Variants in RNLS observed in about 807,000 individuals in gnomAD.
RNLS encodes renalase.
Under a neutral mutation model 39.8 loss-of-function variants are expected in RNLS, and 39 were observed. That is an observed-to-expected ratio of 0.98 (90% confidence interval 0.76 to 1.28). The LOEUF (loss-of-function observed/expected upper bound fraction) is 1.28. RNLS is among the 50% of genes most tolerant of loss of function. RNLS has a pLI of 0.00. For missense variants in RNLS, 410 were observed against 413.3 expected (o/e 0.99, Z 0.07); for synonymous variants, 147 against 150.7 (o/e 0.98, Z 0.18).
the RNLS span, among the ~76,000 whole-genome samples, chr10:88,256,800 A>G: frequency 1.3e-5 from 2 of 152,140 alleles, no homozygotes; most frequent in African/African-American, 4.8e-5. Context: ...GCTCTTCATG[A>G]TCAGTTATTC....
At chr10:88,246,586 A>C in the RNLS span, among the ~76,000 whole-genome samples, 1 of 151,908 alleles carries the variant, frequency 6.6e-6, no homozygotes, top group South Asian at 2.1e-4. Flanking sequence ...TAATGTAGGT[A>C]ATATAACAGA....
At chr10:88,365,558 T>G (rs964761752) in intron 4 of RNLS, among the ~76,000 whole-genome samples, 2 of 145,954 alleles carry the variant, frequency 1.4e-5, no homozygotes, top group Non-Finnish European at 3.1e-5. Flanking sequence ...CACACACACG[T>G]ACGTATATGT....
intron 6 of RNLS, among the ~76,000 whole-genome samples, chr10:88,286,540 CTTG>C (rs1843286938): frequency 6.6e-6 from 1 of 152,006 alleles, no homozygotes; most frequent in South Asian, 2.1e-4. Context: ...AATATGAAAA[CTTG>C]TTGTAATGGC....
chr10:88,199,309 T>TG, the RNLS span, among the ~76,000 whole-genome samples: 2 of 152,098 alleles, frequency 1.3e-5, no homozygotes, highest in African/African-American at 2.4e-5. Flanking sequence ...GGGTGTGGCC[T>TG]GGGGGGTCCT....
chr10:88,175,350 G>A, the RNLS span, among the ~76,000 whole-genome samples: 1 of 151,904 alleles, frequency 6.6e-6, no homozygotes, highest in Non-Finnish European at 1.5e-5. Context: ...TTGTTTATTT[G>A]AAATCTCTAC....
At chr10:88,454,325 G>A (rs963991310) in intron 4 of RNLS, among the ~76,000 whole-genome samples, 1 of 152,204 alleles carries the variant, frequency 6.6e-6, no homozygotes, top group African/African-American at 2.4e-5. Flanking sequence ...ATGGCATTGT[G>A]GGAGGAAATA....
At chr10:88,211,707 G>T in the RNLS span, among the ~76,000 whole-genome samples, 9 of 152,162 alleles carry the variant, frequency 5.9e-5, no homozygotes, top group Non-Finnish European at 5.9e-5. Context: ...GAGCTGAGAA[G>T]GTGGGGAGTA....
At chr10:88,396,941 C>T (rs1178866980) in intron 4 of RNLS, among the ~76,000 whole-genome samples, 2 of 151,678 alleles carry the variant, frequency 1.3e-5, no homozygotes, top group Non-Finnish European at 1.5e-5. Flanking sequence ...AACAATAATA[C>T]ACAAATGTGC....
At position 88,583,297 on chromosome 10, in the gene RNLS, T is replaced by C; in HGVS notation, c.-107A>G. On this transcript the variant is annotated 5_prime_UTR_variant, in exon 1 of 7. Coordinates refer to ENST00000331772, the MANE Select transcript of RNLS (RefSeq NM_001031709.3). Reference sequence around the variant, plus strand: ...GCGCTAGCGCTCTTTGGTTCCGTGCTCCCTGGGCCGACCTGGGCCCTGAGC... The same window carrying C: ...GCGCTAGCGCTCTTTGGTTCCGTGCCCCCTGGGCCGACCTGGGCCCTGAGC... 1 of 1,509,798 alleles carries C rather than the reference T, an allele frequency of 6.6e-7. No homozygotes were observed. The highest frequency in any genetic ancestry group is 8.8e-7 in the Non-Finnish European group (1 of 1,136,896). 93.5% of individuals were successfully genotyped at this position (1,509,798 alleles called of 1,614,324 possible). A position where few individuals can be genotyped will look rare whatever the true frequency, so the allele number is the denominator to read the frequency against.
the RNLS span, among the ~76,000 whole-genome samples, chr10:88,253,907 T>C: frequency 6.6e-6 from 1 of 152,212 alleles, no homozygotes; most frequent in African/African-American, 2.4e-5. Flanking sequence ...GTTATTAATC[T>C]TTGTAGGAGC....
chr10:88,231,482 G>C, the RNLS span, among the ~76,000 whole-genome samples: 2 of 152,146 alleles, frequency 1.3e-5, no homozygotes, highest in African/African-American at 2.4e-5. Context: ...GGCAGTCCTT[G>C]GAAACGTATA....
rs569105030 is a variant in RNLS, at chr10:88,480,534, G to T, written c.526+92369C>A. Among the ~76,000 whole-genome samples, 42 of 152,308 alleles carry T rather than the reference G, an allele frequency of 2.8e-4. No individual in the cohort carries two copies. In the South Asian group the frequency reaches 7.9e-3, roughly 29 times the overall value. On this transcript the variant is annotated intron_variant, in intron 4 of 6. Transcript: ENST00000331772. ...CCTCCCGGCTTCAAGCGATTCTCCT[G>T]CCTCAGCCTCCCAAGTAGCTGGGAT...
At chr10:88,430,333 A>G (rs1029698220) in intron 4 of RNLS, among the ~76,000 whole-genome samples, 1 of 151,780 alleles carries the variant, frequency 6.6e-6, no homozygotes, top group Non-Finnish European at 1.5e-5. Context: ...TAAATTTTGC[A>G]TATTTCTCTA....
At chr10:88,525,813 G>A (rs1344094687) in intron 4 of RNLS, among the ~76,000 whole-genome samples, 7 of 152,064 alleles carry the variant, frequency 4.6e-5, no homozygotes. Context: ...GTATGTTCTG[G>A]TACATTTCTG....
At chr10:88,567,730 T>C (rs1177922694) in intron 4 of RNLS, among the ~76,000 whole-genome samples, 2 of 152,208 alleles carry the variant, frequency 1.3e-5, no homozygotes, top group African/African-American at 4.8e-5. Context: ...AAATAAGCTA[T>C]ATTATTTCTG....
At chr10:88,203,456 G>GTGTATATATATA in the RNLS span, among the ~76,000 whole-genome samples, 1 of 1,208 alleles carries the variant, frequency 8.3e-4, no homozygotes, top group African/African-American at 4.9e-3. Context: ...GTGTGTGTGT[G>GTGTATATATATA]TATATATATA....
intron 6 of RNLS, among the ~76,000 whole-genome samples, chr10:88,276,232 TTTCTTAACTGGTCTGTAATC>T (rs1842809763): frequency 6.6e-6 from 1 of 152,204 alleles, no homozygotes; most frequent in African/African-American, 2.4e-5. Flanking sequence ...TATATGTATT[TTTCTTAACTGGTCTGTAATC>T]TTTTAGTTTT....
chr10:88,307,142 C>G (rs765414119), intron 6 of RNLS, among the ~76,000 whole-genome samples: 1 of 152,114 alleles, frequency 6.6e-6, no homozygotes, highest in Non-Finnish European at 1.5e-5. Context: ...GAAAAACTCT[C>G]GATAAACTAG....
At chr10:88,329,381 T>A (rs1459727796) in intron 5 of RNLS, among the ~76,000 whole-genome samples, 1 of 152,140 alleles carries the variant, frequency 6.6e-6, no homozygotes, top group Non-Finnish European at 1.5e-5. Flanking sequence ...TGGCTGTAGG[T>A]CCTTTGCAGT....
Sources: gnomAD v4.1 joint callset for allele counts (sites outside exome capture counted in the v4.1 genomes callset) on GRCh38, gnomAD v4.1.1 for gene constraint, MANE v1.5 for transcripts, NCBI Gene and HGNC (gene_info 2026-07-23, HGNC 2026-07-21) for gene names.